Variants in NSD2 observed in about 807,000 individuals in gnomAD.
NSD2 encodes the protein nuclear receptor binding SET domain protein 2.
A neutral mutation model predicts 139.0 loss-of-function variants in NSD2; 12 were observed. That is an observed-to-expected ratio of 0.09 (90% CI 0.06 to 0.14). The LOEUF (loss-of-function observed/expected upper bound fraction) is 0.14, where lower values mean the gene tolerates loss of function less well. Ranked by LOEUF, NSD2 falls within the 10% of genes least tolerant of loss-of-function variation. The pLI is 1.00. For synonymous variants in NSD2, 669 were observed against 648.7 expected, an observed-to-expected ratio of 1.03 and a Z score of -0.48; for missense variants, 1,155 against 1,745.0, an observed-to-expected ratio of 0.66 and a Z score of 6.02.
At position 1,955,604 on chromosome 4, in the gene NSD2, G is replaced by A. The variant is rs1724734218; in HGVS notation, c.2519-89G>A. On this transcript the variant is annotated intron_variant, in intron 13 of 21. Coordinates refer to ENST00000508803, the MANE Select transcript of NSD2 (RefSeq NM_001042424.3). The surrounding 1 kb of genome is among the most constrained non-coding windows in gnomAD (Gnocchi z 4.7). ...TTAAAACTGATGTTTATAAGTTAAG[G>A]CTGTAATAAGTGTAGACTGTGAAGC... The A allele has an allele frequency of 7.0e-7, 1 of 1,437,256 alleles. No individual in the cohort carries two copies. Among genetic ancestry groups the A allele is most frequent in the Admixed American group, 2.6e-5 (1 of 38,156 alleles). The allele number at this position is 1,437,256 out of a possible 1,614,324, so 89.0% of individuals were successfully genotyped here.
At chr4:1,937,965 A>T (rs1210618635) in intron 7 of NSD2, among the ~76,000 whole-genome samples, 1 of 152,244 alleles carries the variant, frequency 6.6e-6, no homozygotes, top group Admixed American at 6.5e-5. Context: ...AATCCTCAGT[A>T]TAGTGATACT....
chr4:1,940,788 C>T (rs1723010483), intron 9 of NSD2: 1 of 1,059,544 alleles, frequency 9.4e-7, no homozygotes, highest in African/African-American at 1.6e-5. Context: ...TGGGGTGTGC[C>T]TCAGTTGTTT....
chr4:1,971,401 C>T (rs1726461692), intron 18 of NSD2, among the ~76,000 whole-genome samples: 1 of 152,068 alleles, frequency 6.6e-6, no homozygotes, highest in Non-Finnish European at 1.5e-5. Context: ...CCAGTGAATA[C>T]AGCTGACGGT....
In NSD2 at chr4:1,956,274, A is replaced by G. The variant is rs1015238779; in HGVS notation, c.2881+86A>G. On this transcript the variant is annotated intron_variant, in intron 15 of 21. Coordinates refer to ENST00000508803, the MANE Select transcript of NSD2 (RefSeq NM_001042424.3). The surrounding 1 kb of genome is among the most constrained non-coding windows in gnomAD (Gnocchi z 5.3). ...TTCTATTTTTTAAAATTTGATCTTT[A>G]TAGAAAATACTGGACTAAGCATTCA... 3 of 1,251,556 alleles carry G rather than the reference A, an allele frequency of 2.4e-6. No individual in the cohort carries two copies. Among genetic ancestry groups the G allele is most frequent in the African/African-American group, 3.0e-5 (2 of 66,426 alleles). The allele number at this position is 1,251,556 out of a possible 1,614,324, so 77.5% of individuals were successfully genotyped here. A position where few individuals can be genotyped will look rare whatever the true frequency, so the allele number is the denominator to read the frequency against.
intron 9 of NSD2, chr4:1,943,940 G>A (rs186638139): frequency 2.2e-4 from 233 of 1,064,126 alleles, no homozygotes; most frequent in South Asian, 7.7e-4. Context: ...GTCAGCCAGC[G>A]CATAGGTGCT....
chr4:1,975,227 A>G, intron 19 of NSD2, 67 bp from the exon 20 acceptor site: 1 of 1,512,322 alleles, frequency 6.6e-7, no homozygotes, highest in Non-Finnish European at 9.2e-7. Flanking sequence ...GACCTAATAC[A>G]CGCCCCTTAG....
chr4:1,977,017 A>G (rs1354784054), intron 21 of NSD2, among the ~76,000 whole-genome samples: 10 of 152,214 alleles, frequency 6.6e-5, no homozygotes. Context: ...GCTGGGAACT[A>G]AAGCCCCTCC....
At chr4:1,975,174 G>A (rs1183962269) in intron 19 of NSD2, 120 bp from the exon 20 acceptor site, 1 of 1,395,512 alleles carries the variant, frequency 7.2e-7, no homozygotes, top group Non-Finnish European at 9.9e-7. Flanking sequence ...AAGGCCATGG[G>A]TCAAGCCAGT....
intron 1 of NSD2, among the ~76,000 whole-genome samples, chr4:1,872,034 G>T (rs1367523893): frequency 6.6e-6 from 1 of 151,316 alleles, no homozygotes; most frequent in African/African-American, 2.4e-5. Context: ...GGGAGGGGCA[G>T]GTTGGGGTCC....
At chr4:1,937,132 A>G (rs956585585) in intron 7 of NSD2, among the ~76,000 whole-genome samples, 3 of 151,784 alleles carry the variant, frequency 2.0e-5, no homozygotes, top group African/African-American at 7.3e-5. Context: ...ACTCACTGCA[A>G]CCTCCGCCTC....
At position 1,981,373 on chromosome 4, in the gene NSD2, C is replaced by G. The variant is rs372056394; in HGVS notation, c.*2464C>G. ...GCTGTGACCGTGGGTGTGGCTGGCT[C>G]TCGGCCCTGCCCAGCTTTGTTCTGA... On this transcript the variant is annotated 3_prime_UTR_variant, in exon 22 of 22. Coordinates refer to ENST00000508803, the MANE Select transcript of NSD2 (RefSeq NM_001042424.3). 1.2e-4 allele frequency: 28 copies of G among 233,508 alleles called. No individual in the cohort carries two copies. The highest frequency in any genetic ancestry group is 6.2e-4 in the African/African-American group (28 of 45,482). The allele number at this position is 233,508 out of a possible 1,614,324, so 14.5% of individuals were successfully genotyped here. A position where few individuals can be genotyped will look rare whatever the true frequency, so the allele number is the denominator to read the frequency against.
At chr4:1,920,773 C>T (rs540381208) in intron 5 of NSD2, among the ~76,000 whole-genome samples, 9 of 151,736 alleles carry the variant, frequency 5.9e-5, no homozygotes, top group African/African-American at 1.9e-4. Context: ...GCAGCTCACA[C>T]CTGTCATCCC....
At chr4:1,960,831 A>T (rs1481167137) in intron 17 of NSD2, among the ~76,000 whole-genome samples, 1 of 152,086 alleles carries the variant, frequency 6.6e-6, no homozygotes, top group Non-Finnish European at 1.5e-5. Context: ...AATACTTAAT[A>T]CATTTTTCAT....
At chr4:1,950,282 G>A (rs1724071034) in intron 9 of NSD2, among the ~76,000 whole-genome samples, 1 of 152,180 alleles carries the variant, frequency 6.6e-6, no homozygotes, top group South Asian at 2.1e-4. Flanking sequence ...ATTAAATGAA[G>A]GGGAGAGAGA....
In NSD2 at chr4:1,973,552, A is replaced by T. The variant is rs1481942735; in HGVS notation, c.3373-1311A>T. 1.3e-5 allele frequency among the ~76,000 whole-genome samples: 2 copies of T among 152,178 alleles called. No individual in the cohort carries two copies. Among genetic ancestry groups the T allele is most frequent in the Admixed American group, 6.6e-5 (1 of 15,266 alleles). ...TCTGGGTTGATTAGTGCATTTTATT[A>T]TTGTGAAAAGCATCTTGCAGAGAAC... On this transcript the variant is annotated intron_variant, in intron 18 of 21. Coordinates refer to ENST00000508803, the MANE Select transcript of NSD2 (RefSeq NM_001042424.3). The surrounding 1 kb of genome is among the most constrained non-coding windows in gnomAD (Gnocchi z 5.5).
rs1577518762 is a variant in NSD2 at position 1,948,513 on chromosome 4, C to T, written c.1882-2559C>T. The T allele has an allele frequency of 8.5e-6, 9 of 1,064,328 alleles. No individual in the cohort carries two copies. The highest frequency in any genetic ancestry group is 5.1e-5 in the East Asian group (1 of 19,756). The allele number at this position is 1,064,328 out of a possible 1,614,324, so 65.9% of individuals were successfully genotyped here. On this transcript the variant is annotated intron_variant, in intron 9 of 21. Transcript: ENST00000508803. The surrounding 1 kb of genome is among the most constrained non-coding windows in gnomAD (Gnocchi z 4.5). ...GTTGCCGAGCCGAGAGCATTGGATC[C>T]TCCCCGACTGTGGCTAGTTGTCTGT...
intron 1 of NSD2, among the ~76,000 whole-genome samples, chr4:1,894,149 G>A (rs577348119): frequency 2.4e-4 from 37 of 151,692 alleles, no homozygotes; most frequent in African/African-American, 8.5e-4. Flanking sequence ...TAGAGACGGC[G>A]TCTTACTATG....
chr4:1,891,020 C>T (rs757389883), intron 1 of NSD2, among the ~76,000 whole-genome samples: 67 of 151,956 alleles, frequency 4.4e-4, no homozygotes, highest in African/African-American at 1.4e-3. Context: ...CAGCTTCCCG[C>T]GTAGCTAAGA....
chr4:1,956,505 G>A lies in NSD2; in HGVS notation c.2881+317G>A, dbSNP rs548681096. On this transcript the variant is annotated intron_variant, in intron 15 of 21. Transcript: ENST00000508803. The surrounding 1 kb of genome is among the most constrained non-coding windows in gnomAD (Gnocchi z 5.3). ...ATGTAAAATGCAGATCTGAAGGAAG[G>A]GTCCTGTTGTCTCGACCTTGTGCAG... Among the ~76,000 whole-genome samples, 4 of 152,062 alleles carry A rather than the reference G, an allele frequency of 2.6e-5. No individual in the cohort carries two copies. Among genetic ancestry groups the A allele is most frequent in the Non-Finnish European group, 5.9e-5 (4 of 68,006 alleles).
Sources: allele counts gnomAD v4.1 joint callset (sites outside exome capture counted in the v4.1 genomes callset), GRCh38; gene constraint gnomAD v4.1.1; non-coding constraint Gnocchi (gnomAD v3.1); transcripts MANE v1.5; gene names NCBI Gene and HGNC (gene_info 2026-07-23, HGNC 2026-07-21).